The following MAPK7 variants were observed in gnomAD, a reference collection of about 807,000 sequenced individuals.
The protein encoded by MAPK7 is BMK-1.
A neutral mutation model predicts 56.9 loss-of-function variants in MAPK7; 30 were observed. That is an observed-to-expected ratio of 0.53 (90% CI 0.39 to 0.72). The LOEUF (loss-of-function observed/expected upper bound fraction) is 0.72. Among genes scored for constraint, MAPK7 ranks in the 30% least tolerant of loss-of-function variants. The probability of loss-of-function intolerance (pLI) is 0.00; values close to 1 mark genes in which losing one functional copy is unlikely to be tolerated. For missense variants in MAPK7, 952 were observed against 1,110.8 expected, an observed-to-expected ratio of 0.86 and a Z score of 2.03; for synonymous variants, 516 against 449.3, an observed-to-expected ratio of 1.15 and a Z score of -1.88.
At position 19,381,604 on chromosome 17, in the gene MAPK7, A is replaced by G; in HGVS notation, c.1395A>G (p.Pro465=). ...CACCAGTCAGTGAGCCTGCCCCACCAAAGAAAGATGGTGCCATCTCAGACA... is the reference window on the plus strand; with the variant it reads ...CACCAGTCAGTGAGCCTGCCCCACCGAAGAAAGATGGTGCCATCTCAGACA... ...PPPPVSEPAP[P]KKDGAISDNT... The change falls in exon 4 of 7, where the codon CCA becomes CCG. Residue 465 remains proline (P), a synonymous_variant. Transcript: ENST00000395604. The surrounding 1 kb of genome is among the most constrained non-coding windows in gnomAD (Gnocchi z 4.6). 6.2e-7 allele frequency: 1 copy of G among 1,613,884 alleles called. No individual in the cohort carries two copies. The highest frequency in any genetic ancestry group is 8.5e-7 in the Non-Finnish European group (1 of 1,179,970).
upstream of MAPK7, chr17:19,378,251 C>T: frequency 2.0e-6 from 2 of 985,858 alleles, no homozygotes; most frequent in Non-Finnish European, 2.4e-6. The surrounding 1 kb of genome is among the most constrained non-coding windows in gnomAD (Gnocchi z 5.4). Context: ...CGCCCGACTG[C>T]CAGTGCGCAT....
Position 19,378,659 on chromosome 17 carries a change from G to A in MAPK7, c.-6+29G>A, listed in dbSNP as rs1912317795. 1.4e-6 allele frequency: 2 copies of A among 1,406,826 alleles called. No homozygotes were observed. The highest frequency in any genetic ancestry group is 1.8e-6 in the Non-Finnish European group (2 of 1,084,320). The allele number at this position is 1,406,826 out of a possible 1,614,324, so 87.1% of individuals were successfully genotyped here. On this transcript the variant is annotated intron_variant, in intron 1 of 6. Transcript: ENST00000395604. This position sits in a 1 kb window ranked among gnomAD's most constrained non-coding sequence, Gnocchi z 5.4. ...AGTGCGGCCCTGAGGAAACCCAGGT[G>A]CCCCGCCCCTCCCTTTCTTCCTGGC...
At chr17:19,380,246 C>A (rs1165161013) in intron 3 of MAPK7, 3 of 506,136 alleles carry the variant, frequency 5.9e-6, no homozygotes, top group East Asian at 7.0e-5. Context: ...TCACAGAACA[C>A]TTTCCTACAG....
chr17:19,382,982 G>C, intron 6 of MAPK7, 36 bp downstream of exon 6: 1 of 1,613,646 alleles, frequency 6.2e-7, no homozygotes, highest in Non-Finnish European at 8.5e-7. Context: ...GACTGGGACT[G>C]TGGGGAGAGG....
At position 19,381,210 on chromosome 17, in the gene MAPK7, C is replaced by T. The variant is rs756030990; in HGVS notation, c.1001C>T (p.Ala334Val). 7.4e-6 allele frequency: 12 copies of T among 1,614,030 alleles called. No homozygotes were observed. Among genetic ancestry groups the T allele is most frequent in the Non-Finnish European group, 1.0e-5 (12 of 1,180,060 alleles). ...CGCATGCTGCGTTTTGAGCCCAGCG[C>T]TCGCATCTCAGCAGCTGCTGCCCTT... Reference protein sequence around the residue: ...LGRMLRFEPSARISAAAALRH... With the variant: ...LGRMLRFEPSVRISAAAALRH... The change falls in exon 4 of 7, where the codon GCT becomes GTT. Residue 334 changes from alanine to valine, a missense_variant. This residue lies in a region of MAPK7 where 429 missense variants were observed against 533.0 expected (regional missense o/e 0.80). Transcript: ENST00000395604. The surrounding 1 kb of genome is among the most constrained non-coding windows in gnomAD (Gnocchi z 4.6).
At chr17:19,378,122 C>T (rs756907894), upstream of MAPK7, 7 of 976,730 alleles carry the variant, frequency 7.2e-6, no homozygotes, top group Non-Finnish European at 7.3e-6. This position sits in a 1 kb window ranked among gnomAD's most constrained non-coding sequence, Gnocchi z 5.4. Context: ...CAGACCTGGG[C>T]ATCTCAGGCC....
At position 19,382,863 on chromosome 17, in the gene MAPK7, G is replaced by C. The variant is rs1371453662; in HGVS notation, c.2214G>C (p.Gly738=). Residue 738 remains glycine (G), a synonymous_variant, in exon 6 of 7, where the codon GGG becomes GGC. Coordinates refer to ENST00000395604, the MANE Select transcript of MAPK7 (RefSeq NM_002749.4). The part of the protein sequence containing the change: ...PVFSGTPKGS[G]AGYGVGFDLE... ...TCTCAGGCACACCAAAGGGCAGTGG[G>C]GCTGGCTACGGTGTTGGCTTTGACC... 1.9e-6 allele frequency: 3 copies of C among 1,614,104 alleles called. No homozygotes were observed. The African/African-American group carries it at 4.0e-5, about 22-fold the overall frequency.
chr17:19,382,267 C>A lies in MAPK7; in HGVS notation c.1964C>A (p.Pro655His). 6.2e-7 allele frequency: 1 copy of A among 1,612,598 alleles called. No individual in the cohort carries two copies. Among genetic ancestry groups the A allele is most frequent in the African/African-American group, 1.3e-5 (1 of 75,030 alleles). The stretch of plus-strand genomic sequence containing the variant: ...GGGCCCATCCCTGTCCCCGCGCCAC[C>A]CCAGATTGCCACCTCCACCAGCCTC... ...PPGPIPVPAP[P>H]QIATSTSLLA... The change falls in exon 5 of 7, where the codon CCC (proline) becomes CAC (histidine). Residue 655 changes from proline to histidine, a missense_variant. Physicochemically the swap from Pro to His is moderately conservative, Grantham distance 77. This residue lies in a region of MAPK7 where 234 missense variants were observed against 210.4 expected (regional missense o/e 1.11). Transcript: ENST00000395604.
intron 3 of MAPK7, 110 bp from the exon 4 acceptor site, chr17:19,380,498 C>T (rs1349746140): frequency 2.0e-6 from 3 of 1,480,576 alleles, no homozygotes; most frequent in South Asian, 2.8e-5. Context: ...TATGGGGTCC[C>T]AGGGTAAGGC....
In MAPK7 at chr17:19,380,981, C is replaced by A. The variant is rs759623746; in HGVS notation, c.772C>A (p.Arg258=). ...VGCIFGEMLA[R]RQLFPGKNYV... Reference sequence around the variant, plus strand: ...CTGCATCTTTGGTGAGATGCTGGCCCGGCGCCAGCTCTTCCCAGGCAAAAA... The same window carrying A: ...CTGCATCTTTGGTGAGATGCTGGCCAGGCGCCAGCTCTTCCCAGGCAAAAA... The change falls in exon 4 of 7, where the codon CGG becomes AGG. Residue 258 remains arginine (R), a synonymous_variant. Transcript: ENST00000395604. 4.3e-6 allele frequency: 7 copies of A among 1,614,054 alleles called. No individual in the cohort carries two copies. The highest frequency in any genetic ancestry group is 1.7e-5 in the Admixed American group (1 of 60,010).
At chr17:19,378,192 A>C (rs895787229), upstream of MAPK7, 8 of 984,436 alleles carry the variant, frequency 8.1e-6, no homozygotes, top group Non-Finnish European at 9.6e-6. The surrounding 1 kb of genome is among the most constrained non-coding windows in gnomAD (Gnocchi z 5.4). Context: ...TGAGAGCTTC[A>C]TGGGGACGCG....
Position 19,378,602 on chromosome 17 carries a change from A to G in MAPK7, c.-34A>G. 1 of 1,254,698 alleles carries G rather than the reference A, an allele frequency of 8.0e-7. No homozygotes were observed. The highest frequency in any genetic ancestry group is 1.0e-6 in the Non-Finnish European group (1 of 995,566). 77.7% of individuals were successfully genotyped at this position (1,254,698 alleles called of 1,614,324 possible). On this transcript the variant is annotated 5_prime_UTR_variant, in exon 1 of 7. Coordinates refer to ENST00000395604, the MANE Select transcript of MAPK7 (RefSeq NM_002749.4). The surrounding 1 kb of genome is among the most constrained non-coding windows in gnomAD (Gnocchi z 5.4). Reference sequence around the variant, plus strand: ...GGACGGGAGGCCGGCGAGCCTCGGGACCTCTGAAAGCCTTGAGGAGGCGCG... The same window carrying G: ...GGACGGGAGGCCGGCGAGCCTCGGGGCCTCTGAAAGCCTTGAGGAGGCGCG...
Position 19,381,876 on chromosome 17 carries a change from C to A in MAPK7, c.1573C>A (p.Gln525Lys). ...GCGGGAGGAGAAGCGGCGGAGGCGG[C>A]AAGAACGAGCCAAGGAGCGGGAGAA... Reference protein sequence around the residue: ...REREEKRRRRQERAKEREKRR... With the variant: ...REREEKRRRRKERAKEREKRR... Residue 525 changes from glutamine to lysine, a missense_variant, in exon 5 of 7, where the codon CAA becomes AAA. By Grantham distance (53) the Gln-to-Lys change is moderately conservative (BLOSUM62 1). Around this residue, in one of 5 missense-constraint regions of MAPK7, gnomAD observed 429 missense variants for 533.0 expected, o/e 0.80. Coordinates refer to ENST00000395604, the MANE Select transcript of MAPK7 (RefSeq NM_002749.4). The surrounding 1 kb of genome is among the most constrained non-coding windows in gnomAD (Gnocchi z 4.6). The A allele has an allele frequency of 6.4e-7, 1 of 1,574,716 alleles. No individual in the cohort carries two copies.
chr17:19,380,016 G>C, intron 3 of MAPK7, 69 bp downstream of exon 3: 1 of 1,531,750 alleles, frequency 6.5e-7, no homozygotes, highest in South Asian at 1.2e-5. Flanking sequence ...TGTTGCCGAA[G>C]TTCTGGAAAG....
At chr17:19,380,510 G>A in intron 3 of MAPK7, 98 bp from the exon 4 acceptor site, 1 of 1,498,142 alleles carries the variant, frequency 6.7e-7, no homozygotes, top group Non-Finnish European at 8.9e-7. Context: ...GGGTAAGGCT[G>A]TTACCTGTCT....
In MAPK7 at chr17:19,383,244, G is replaced by A; in HGVS notation, c.*13G>A. 2 of 1,613,186 alleles carry A rather than the reference G, an allele frequency of 1.2e-6. No individual in the cohort carries two copies. The highest frequency in any genetic ancestry group is 1.7e-6 in the Non-Finnish European group (2 of 1,179,456). The stretch of plus-strand genomic sequence containing the variant: ...CCAGGACCCCTGAGGCCCCCAGCCT[G>A]TGCCTTGCTGCCACAGTAGACCTAG... On this transcript the variant is annotated 3_prime_UTR_variant, in exon 7 of 7. Transcript: ENST00000395604.
At chr17:19,379,177 G>A in intron 2 of MAPK7, 45 bp downstream of exon 2, 2 of 1,565,882 alleles carry the variant, frequency 1.3e-6, no homozygotes, top group Non-Finnish European at 1.7e-6. Flanking sequence ...CAGCGTCGCA[G>A]GGAGTGGGAA....
Position 19,382,872 on chromosome 17 carries a change from C to T in MAPK7, c.2223C>T (p.Tyr741=), listed in dbSNP as rs770560424. The change falls in exon 6 of 7, where the codon TAC becomes TAT. Residue 741 remains tyrosine (Y), a synonymous_variant. Transcript: ENST00000395604. ...CACCAAAGGGCAGTGGGGCTGGCTA[C>T]GGTGTTGGCTTTGACCTGGAGGAAT... The part of the protein sequence containing the change: ...SGTPKGSGAG[Y]GVGFDLEEFL... 9.9e-6 allele frequency: 16 copies of T among 1,614,086 alleles called. No homozygotes were observed. The highest frequency in any genetic ancestry group is 6.7e-5 in the East Asian group (3 of 44,890).
chr17:19,383,307 C>T lies in MAPK7; in HGVS notation c.*76C>T. 6.6e-7 allele frequency: 1 copy of T among 1,513,554 alleles called. No individual in the cohort carries two copies. The allele number at this position is 1,513,554 out of a possible 1,614,324, so 93.8% of individuals were successfully genotyped here. Reference sequence around the variant, plus strand: ...TGGGAGCATTCTCAAAGGCTTTAGCCCTGGACCCAGCAGGTGAGGCTCGGC... The same window carrying T: ...TGGGAGCATTCTCAAAGGCTTTAGCTCTGGACCCAGCAGGTGAGGCTCGGC... On this transcript the variant is annotated 3_prime_UTR_variant, in exon 7 of 7. Coordinates refer to ENST00000395604, the MANE Select transcript of MAPK7 (RefSeq NM_002749.4).
Sources: allele counts gnomAD v4.1 joint callset, GRCh38; gene constraint gnomAD v4.1.1; regional missense constraint gnomAD v4.1.1; non-coding constraint Gnocchi (gnomAD v3.1); transcripts MANE v1.5; gene names NCBI Gene and HGNC (gene_info 2026-07-23, HGNC 2026-07-21).